TNFRSF4: variants seen among roughly 807,000 people sequenced by gnomAD.
The protein encoded by TNFRSF4 is tumor necrosis factor receptor superfamily member 4.
Under a neutral mutation model 29.5 loss-of-function variants are expected in TNFRSF4, and 21 were observed. The observed-to-expected ratio is 0.71, with a 90% CI of 0.51 to 1.03. TNFRSF4 has a LOEUF of 1.03. TNFRSF4 is among the 50% of genes least tolerant of loss of function. The pLI, the probability that TNFRSF4 is intolerant of heterozygous loss-of-function variation, is 0.00. For missense variants in TNFRSF4, 408 were observed against 387.8 expected (o/e 1.05, Z -0.44); for synonymous variants, 197 against 172.7 (o/e 1.14, Z -1.10).
intron 2 of TNFRSF4, 95 bp from the exon 3 acceptor site, chr1:1,213,188 C>G: frequency 6.5e-7 from 1 of 1,537,688 alleles, no homozygotes; most frequent in Non-Finnish European, 8.7e-7. Context: ...GCCTCCCCAC[C>G]ACACAGAGGG....
chr1:1,213,533 G>C (rs1237064772), intron 2 of TNFRSF4, 130 bp downstream of exon 2: 5 of 1,467,776 alleles, frequency 3.4e-6, no homozygotes, highest in Non-Finnish European at 4.5e-6. Flanking sequence ...CCCTGTGGCG[G>C]AGCAGACCCC....
rs866497792 is a variant in TNFRSF4 at position 1,212,065 on chromosome 1, G to T, written c.511C>A (p.Pro171Thr). 6.2e-7 allele frequency: 1 copy of T among 1,612,242 alleles called. No individual in the cohort carries two copies. Among genetic ancestry groups the T allele is most frequent in the South Asian group, 1.1e-5 (1 of 91,006 alleles). ...SSDAICEDRD[P>T]PATQPQETQG... is the part of the protein sequence containing the mutation. ...GTCTCCTGGGGCTGCGTGGCTGGGG[G>T]GTCCCTGTCCTCACAGATTGCGTCC... Residue 171 changes from proline (P) to threonine (T), a missense_variant, in exon 5 of 7, where the codon CCC (proline) becomes ACC (threonine). Transcript: ENST00000379236.
chr1:1,212,613 C>T, intron 4 of TNFRSF4, 25 bp downstream of exon 4: 1 of 1,463,154 alleles, frequency 6.8e-7, no homozygotes, highest in Middle Eastern at 2.4e-4. Context: ...CCCAGCCCCT[C>T]CCAGCCCCTG....
In TNFRSF4 at chr1:1,211,726, G is replaced by A. The variant is rs1242929247; in HGVS notation, c.741C>T (p.Pro247=). 6.3e-7 allele frequency: 1 copy of A among 1,586,120 alleles called. No homozygotes were observed. ...CACCAGGGGGCTTGTGGGCATCGGG[G>A]GGCAGCCTCTGGTCCCTCCGGAGCA... The part of the protein sequence containing the change: ...LYLLRRDQRL[P]PDAHKPPGGG... The change falls in exon 6 of 7, where the codon CCC becomes CCT. Residue 247 remains proline, a synonymous_variant. Transcript: ENST00000379236.
intron 5 of TNFRSF4, 26 bp downstream of exon 5, chr1:1,211,916 C>A: frequency 1.3e-6 from 2 of 1,517,870 alleles, no homozygotes; most frequent in East Asian, 4.8e-5. Flanking sequence ...TTGGGGGCCC[C>A]GCTGGGCTGG....
intron 4 of TNFRSF4, among the ~76,000 whole-genome samples, 168 bp downstream of exon 4, chr1:1,212,470 G>T (rs1405567315): frequency 6.6e-6 from 1 of 151,550 alleles, no homozygotes; most frequent in South Asian, 2.1e-4. Context: ...TCCCCAACCA[G>T]GTCCAGCCAC....
rs1343742311 is a variant in TNFRSF4, at chr1:1,211,547, G to A, written c.*8C>T. 4 of 1,485,698 alleles carry A rather than the reference G, an allele frequency of 2.7e-6. No individual in the cohort carries two copies. In the South Asian group the frequency reaches 5.5e-5, roughly 21 times the overall value. 92.0% of individuals were successfully genotyped at this position (1,485,698 alleles called of 1,614,324 possible). ...GCGGGGCCCAGCGTCCACCTTGGTG[G>A]GCCCAGGTCAGATCTTGGCCAGGGT... On this transcript the variant is annotated 3_prime_UTR_variant, in exon 7 of 7. Transcript: ENST00000379236.
chr1:1,211,872 G>A (rs758957565), intron 5 of TNFRSF4, 40 bp from the exon 6 acceptor site: 5 of 1,510,472 alleles, frequency 3.3e-6, no homozygotes, highest in African/African-American at 1.4e-5. Flanking sequence ...CACAGGAGGG[G>A]CCCCCATGCC....
chr1:1,213,084 C>T lies in TNFRSF4; in HGVS notation c.278G>A (p.Ser93Asn). 1 of 1,609,538 alleles carries T rather than the reference C, an allele frequency of 6.2e-7. No individual in the cohort carries two copies. Among genetic ancestry groups the T allele is most frequent in the South Asian group, 1.1e-5 (1 of 90,658 alleles). ...GGCCGTGCACAGCTGCTTCCGCTCA[C>T]TCCCACTTCCTGAGCAGGGGCCGGA... Reference protein sequence around the residue: ...PCTWCNLRSGSERKQLCTATQ... With the variant: ...PCTWCNLRSGNERKQLCTATQ... The change falls in exon 3 of 7, where the codon AGT (serine) becomes AAT (asparagine). Residue 93 changes from serine to asparagine, a missense_variant. Ser to Asn is a conservative substitution (Grantham distance 46). Coordinates refer to ENST00000379236, the MANE Select transcript of TNFRSF4 (RefSeq NM_003327.4).
Position 1,213,049 on chromosome 1 carries a change from T to G in TNFRSF4, c.313A>C (p.Thr105Pro). The change falls in exon 3 of 7, where the codon ACA becomes CCA. Residue 105 changes from threonine to proline, a missense_variant. Transcript: ENST00000379236. ...RKQLCTATQD[T>P]VCRCRAGTQP... ...GTGCCCGCCCGGCAGCGGCAGACTG[T>G]GTCCTGTGTGGCCGTGCACAGCTGC... 1 of 1,611,488 alleles carries G rather than the reference T, an allele frequency of 6.2e-7. No individual in the cohort carries two copies.
intron 4 of TNFRSF4, 21 bp downstream of exon 4, chr1:1,212,617 G>A: frequency 5.6e-6 from 4 of 709,050 alleles, no homozygotes; most frequent in Admixed American, 3.3e-5. Flanking sequence ...GCCCCTCCCA[G>A]CCCCTGGCCA....
rs572497059 is a variant in TNFRSF4, at chr1:1,214,109, G to C, written c.19C>G (p.Arg7Gly). 2 of 1,583,252 alleles carry C rather than the reference G, an allele frequency of 1.3e-6. No individual in the cohort carries two copies. Among genetic ancestry groups the C allele is most frequent in the Admixed American group, 1.7e-5 (1 of 57,234 alleles). The change falls in exon 1 of 7, where the codon CGG becomes GGG. Residue 7 changes from arginine to glycine, a missense_variant. Physicochemically the swap from Arg to Gly is moderately radical, Grantham distance 125 (BLOSUM62 -2). Transcript: ENST00000379236. The surrounding 1 kb of genome is among the most constrained non-coding windows in gnomAD (Gnocchi z 4.2). MCVGAR[R>G]LGRGPCAALL... ...GCCGCACACGGCCCGCGGCCCAGCCGCCGAGCCCCCACGCACATCCTCGTC... is the reference window on the plus strand; with the variant it reads ...GCCGCACACGGCCCGCGGCCCAGCCCCCGAGCCCCCACGCACATCCTCGTC...
chr1:1,213,488 G>A (rs753523280), intron 2 of TNFRSF4, 175 bp downstream of exon 2: 174 of 1,470,364 alleles, frequency 1.2e-4, no homozygotes, highest in Middle Eastern at 1.8e-4. Flanking sequence ...GGGAGAGGGG[G>A]TGCCCCTGGG....
intron 3 of TNFRSF4, 85 bp from the exon 4 acceptor site, chr1:1,212,789 G>T: frequency 7.7e-7 from 1 of 1,296,900 alleles, no homozygotes; most frequent in Non-Finnish European, 1.0e-6. Context: ...GCAGGCACTT[G>T]CCCCCCATGG....
rs376788453 is a variant in TNFRSF4, at chr1:1,211,534, G to C, written c.*21C>G. 1 of 1,479,912 alleles carries C rather than the reference G, an allele frequency of 6.8e-7. No individual in the cohort carries two copies. The highest frequency in any genetic ancestry group is 2.6e-5 in the Admixed American group (1 of 38,988). The allele number at this position is 1,479,912 out of a possible 1,614,324, so 91.7% of individuals were successfully genotyped here. A position where few individuals can be genotyped will look rare whatever the true frequency, so the allele number is the denominator to read the frequency against. ...GGGCTCCAGCCTGGCGGGGCCCAGC[G>C]TCCACCTTGGTGGGCCCAGGTCAGA... On this transcript the variant is annotated 3_prime_UTR_variant, in exon 7 of 7. Coordinates refer to ENST00000379236, the MANE Select transcript of TNFRSF4 (RefSeq NM_003327.4).
In TNFRSF4 at chr1:1,211,926, G is replaced by A. The variant is rs764775188; in HGVS notation, c.634+16C>T. Reference sequence around the variant, plus strand: ...TCGGGTTGGGGGCCCCGCTGGGCTGGGCCAGGCGCCCTTACCCCCGGGGAC... The same window carrying A: ...TCGGGTTGGGGGCCCCGCTGGGCTGAGCCAGGCGCCCTTACCCCCGGGGAC... On this transcript the variant is annotated intron_variant, in intron 5 of 6. Coordinates refer to ENST00000379236, the MANE Select transcript of TNFRSF4 (RefSeq NM_003327.4). The A allele has an allele frequency of 2.0e-6, 3 of 1,532,704 alleles. No homozygotes were observed. Among genetic ancestry groups the A allele is most frequent in the Non-Finnish European group, 1.7e-6 (2 of 1,143,934 alleles). 94.9% of individuals were successfully genotyped at this position (1,532,704 alleles called of 1,614,324 possible).
At chr1:1,212,506 C>T in intron 4 of TNFRSF4, 132 bp downstream of exon 4, 1 of 663,812 alleles carries the variant, frequency 1.5e-6, no homozygotes, top group South Asian at 2.1e-5. Flanking sequence ...GGGCCACCAG[C>T]ACCTCCCCTT....
rs745691629 is a variant in TNFRSF4 at position 1,213,449 on chromosome 1, G to A, written c.268+214C>T. 1,107 of 1,521,192 alleles carry A rather than the reference G, an allele frequency of 7.3e-4. 1 individual carries two copies. Among genetic ancestry groups the A allele is most frequent in the Non-Finnish European group, 9.0e-4 (1,022 of 1,137,950 alleles). The allele number at this position is 1,521,192 out of a possible 1,614,324, so 94.2% of individuals were successfully genotyped here. On this transcript the variant is annotated intron_variant, in intron 2 of 6. Transcript: ENST00000379236. ...GCCAGCGTGGTCTCCCCGACTCCAC[G>A]TGGCCTGGGCCGAGTCTGGGCCCCC...
At chr1:1,213,254 G>A (rs1362185221) in intron 2 of TNFRSF4, 161 bp from the exon 3 acceptor site, 3 of 1,533,424 alleles carry the variant, frequency 2.0e-6, no homozygotes, top group Non-Finnish European at 8.7e-7. Flanking sequence ...CAGCCCCCGA[G>A]GCTCCTGGGC....
Sources: allele counts gnomAD v4.1 joint callset (sites outside exome capture counted in the v4.1 genomes callset), GRCh38; gene constraint gnomAD v4.1.1; non-coding constraint Gnocchi (gnomAD v3.1); transcripts MANE v1.5; gene names NCBI Gene and HGNC (gene_info 2026-07-23, HGNC 2026-07-21).